Variants in BMERB1 observed in about 807,000 individuals in gnomAD.
BMERB1 encodes bMERB domain-containing protein 1.
BMERB1 carries 12 observed loss-of-function variants against 23.6 expected under a neutral mutation model. The observed-to-expected ratio is 0.51, with a 90% CI of 0.33 to 0.82. The LOEUF (loss-of-function observed/expected upper bound fraction) is 0.82. Ranked by LOEUF, BMERB1 falls within the 40% of genes least tolerant of loss-of-function variation. The probability of loss-of-function intolerance (pLI) is 0.03; values close to 1 mark genes in which losing one functional copy is unlikely to be tolerated. For synonymous variants in BMERB1, 122 were observed against 96.6 expected, an observed-to-expected ratio of 1.26 and a Z score of -1.54; for missense variants, 247 against 255.4, an observed-to-expected ratio of 0.97 and a Z score of 0.22.
At chr16:15,541,904 A>ATTTTTTTTTTT (rs1567491823) in intron 2 of BMERB1, among the ~76,000 whole-genome samples, 1 of 96,044 alleles carries the variant, frequency 1.0e-5, no homozygotes, top group Non-Finnish European at 2.1e-5. Flanking sequence ...ACCCGGCCTA[A>ATTTTTTTTTTT]ATTTTTTTTT....
intron 1 of BMERB1, among the ~76,000 whole-genome samples, chr16:15,444,688 G>A (rs2050974618): frequency 6.6e-6 from 1 of 152,178 alleles, no homozygotes. Flanking sequence ...AGTACATGGT[G>A]GTCCTGCATG....
intron 2 of BMERB1, among the ~76,000 whole-genome samples, chr16:15,537,358 ATT>A (rs113207342): frequency 7.3e-4 from 107 of 147,010 alleles, no homozygotes; most frequent in African/African-American, 1.7e-3. Flanking sequence ...CTTATTCTTA[ATT>A]TTTTTTTTTT....
intron 2 of BMERB1, among the ~76,000 whole-genome samples, chr16:15,530,183 G>A (rs1381985193): frequency 6.6e-6 from 1 of 152,104 alleles, no homozygotes; most frequent in Non-Finnish European, 1.5e-5. Flanking sequence ...TCTCTTAAAT[G>A]TATGCCTAGC....
chr16:15,575,989 C>T (rs1395446594), intron 3 of BMERB1, among the ~76,000 whole-genome samples: 2 of 151,598 alleles, frequency 1.3e-5, no homozygotes, highest in Non-Finnish European at 2.9e-5. Flanking sequence ...GGTTCCCTGC[C>T]TCCAGACCAT....
intron 3 of BMERB1, among the ~76,000 whole-genome samples, chr16:15,569,209 C>A (rs913865667): frequency 6.6e-6 from 1 of 151,668 alleles, no homozygotes; most frequent in African/African-American, 2.4e-5. Flanking sequence ...GAGCGAGACT[C>A]CGACTCAAAA....
intron 1 of BMERB1, among the ~76,000 whole-genome samples, chr16:15,486,961 C>T (rs937107114): frequency 1.3e-5 from 2 of 152,138 alleles, no homozygotes; most frequent in Admixed American, 1.3e-4. Context: ...AGAACTCTGC[C>T]TGGCAAATAG....
At chr16:15,443,643 C>G (rs901855077) in intron 1 of BMERB1, among the ~76,000 whole-genome samples, 3 of 151,692 alleles carry the variant, frequency 2.0e-5, no homozygotes, top group Non-Finnish European at 4.4e-5. Context: ...GTGGGCCAGG[C>G]ATGGTGGCTC....
chr16:15,507,248 A>G (rs761424810), intron 1 of BMERB1, among the ~76,000 whole-genome samples: 34 of 152,150 alleles, frequency 2.2e-4, no homozygotes, highest in Admixed American at 4.6e-4. Flanking sequence ...CTCATCCTCT[A>G]TCACCTCCAC....
In BMERB1 at chr16:15,434,646, G is replaced by C; in HGVS notation, c.-8G>C. ...GGAGACCCGTCGACCTGGCCACGGG[G>C]ATCAGCGATGGAATTAAAGCAATCT... On this transcript the variant is annotated 5_prime_UTR_variant, in exon 1 of 6. Coordinates refer to ENST00000300006, the MANE Select transcript of BMERB1 (RefSeq NM_033201.3). 6.2e-7 allele frequency: 1 copy of C among 1,613,154 alleles called. No individual in the cohort carries two copies. Among genetic ancestry groups the C allele is most frequent in the African/African-American group, 1.3e-5 (1 of 75,046 alleles).
chr16:15,443,049 AC>A (rs1358152879), intron 1 of BMERB1, among the ~76,000 whole-genome samples: 1 of 151,644 alleles, frequency 6.6e-6, no homozygotes, highest in African/African-American at 2.4e-5. Flanking sequence ...GGAGTTCAAG[AC>A]CAGCCTGAGC....
At chr16:15,538,430 T>C (rs4781672) in intron 2 of BMERB1, among the ~76,000 whole-genome samples, 49,537 of 151,442 alleles carry the variant, frequency 0.33, 10,141 homozygotes, top group African/African-American at 0.56. Context: ...CCAGCCTGGG[T>C]GACAGAGCAA....
At chr16:15,502,335 T>TCA (rs1311963358) in intron 1 of BMERB1, 4 of 1,551,220 alleles carry the variant, frequency 2.6e-6, no homozygotes, top group Non-Finnish European at 3.5e-6. Flanking sequence ...TGGGGCGACC[T>TCA]CACAGAGACG....
chr16:15,483,292 T>C (rs117914125), intron 1 of BMERB1, among the ~76,000 whole-genome samples: 1 of 152,328 alleles, frequency 6.6e-6, no homozygotes, highest in Non-Finnish European at 1.5e-5. Flanking sequence ...GATACATTCT[T>C]CTAAAGAAAT....
chr16:15,573,342 C>T lies in BMERB1; in HGVS notation c.304+5286C>T, dbSNP rs544543698. ...AGAGAAAGAGTAATTCATGCATAGC[C>T]GGCTGAGGGAGACTGGAGTTTTATT... is the stretch of plus-strand genomic sequence containing the variant. On this transcript the variant is annotated intron_variant, in intron 3 of 5. Coordinates refer to ENST00000300006, the MANE Select transcript of BMERB1 (RefSeq NM_033201.3). 6.6e-5 allele frequency among the ~76,000 whole-genome samples: 10 copies of T among 152,234 alleles called. No homozygotes were observed. In the South Asian group the frequency reaches 1.9e-3, roughly 28 times the overall value.
chr16:15,506,244 C>G (rs2051590044), intron 1 of BMERB1, among the ~76,000 whole-genome samples: 1 of 151,956 alleles, frequency 6.6e-6, no homozygotes, highest in Non-Finnish European at 1.5e-5. Flanking sequence ...GGTGCGATCT[C>G]TGCTCACTAC....
chr16:15,564,502 A>G (rs1399265617), intron 2 of BMERB1, among the ~76,000 whole-genome samples: 1 of 152,250 alleles, frequency 6.6e-6, no homozygotes, highest in Non-Finnish European at 1.5e-5. Context: ...AAATAGGACA[A>G]TTTAAATTGG....
chr16:15,586,641 G>T (rs567820724), intron 5 of BMERB1, 76 bp from the exon 6 acceptor site: 3 of 1,263,128 alleles, frequency 2.4e-6, no homozygotes, highest in Non-Finnish European at 3.4e-6. Flanking sequence ...GCTGCAGATG[G>T]TCAGGGCTCT....
intron 2 of BMERB1, among the ~76,000 whole-genome samples, chr16:15,556,157 G>T (rs2030250991): frequency 6.7e-6 from 1 of 150,342 alleles, no homozygotes; most frequent in Admixed American, 6.6e-5. Context: ...CAGCCTGGAC[G>T]ACAAGAGCGA....
intron 1 of BMERB1, among the ~76,000 whole-genome samples, chr16:15,489,089 A>G (rs745589266): frequency 2.6e-4 from 39 of 151,958 alleles, no homozygotes; most frequent in Non-Finnish European, 5.3e-4. Flanking sequence ...GGGTCTGACT[A>G]CTTCTGGTGT....
Sources: gnomAD v4.1 joint callset for allele counts (sites outside exome capture counted in the v4.1 genomes callset) on GRCh38, gnomAD v4.1.1 for gene constraint, MANE v1.5 for transcripts, NCBI Gene and HGNC (gene_info 2026-07-23, HGNC 2026-07-21) for gene names.